TRIM6: variants seen among roughly 807,000 people sequenced by gnomAD.
TRIM6 encodes tripartite motif-containing protein 6.
A neutral mutation model predicts 51.2 loss-of-function variants in TRIM6; 43 were observed. That is an observed-to-expected ratio of 0.84 (90% CI 0.66 to 1.08). The LOEUF is 1.08. Ranked by LOEUF, TRIM6 falls within the 50% of genes least tolerant of loss-of-function variation. TRIM6 has a pLI of 0.00. For synonymous variants in TRIM6, 215 were observed against 232.4 expected (o/e 0.93, Z 0.68); for missense variants, 669 against 619.0 (o/e 1.08, Z -0.86).
Position 5,611,425 on chromosome 11 carries a change from C to A in TRIM6, c.*83C>A, listed in dbSNP as rs1246870336. On this transcript the variant is annotated 3_prime_UTR_variant, in exon 8 of 8. Transcript: ENST00000380097. Reference sequence around the variant, plus strand: ...TTCTCCCTTCTGATCTTCTGTTTTTCTGTGTTCTCAATTCTTTTGTTGTTT... The same window carrying A: ...TTCTCCCTTCTGATCTTCTGTTTTTATGTGTTCTCAATTCTTTTGTTGTTT... The A allele has an allele frequency of 5.1e-6, 6 of 1,172,972 alleles. No individual in the cohort carries two copies. Among genetic ancestry groups the A allele is most frequent in the Non-Finnish European group, 7.3e-6 (6 of 820,744 alleles). The allele number at this position is 1,172,972 out of a possible 1,614,324, so 72.7% of individuals were successfully genotyped here.
In TRIM6 at chr11:5,604,522, G is replaced by C. The variant is rs1221718552; in HGVS notation, c.508-12G>C. 2.5e-6 allele frequency: 4 copies of C among 1,607,668 alleles called. No homozygotes were observed. The highest frequency in any genetic ancestry group is 3.4e-6 in the Non-Finnish European group (4 of 1,177,418). On this transcript the variant is annotated splice_polypyrimidine_tract_variant and intron_variant, in intron 2 of 7. Transcript: ENST00000380097. ...GGCTTGATCCTGCTTGACCTGATTT[G>C]TTTTCTTCAAGGAGAAGTTTCAGGA...
At chr11:5,606,147 A>T (rs958326350) in intron 4 of TRIM6, among the ~76,000 whole-genome samples, 18 of 152,202 alleles carry the variant, frequency 1.2e-4, no homozygotes, top group African/African-American at 4.3e-4. Flanking sequence ...AGGCACACTT[A>T]CGCCAAGCTA....
Position 5,610,530 on chromosome 11 carries a change from T to C in TRIM6, c.959-5T>C, listed in dbSNP as rs1234955534. ...CAACATTATTGACTCTTTTCATCAT[T>C]ACAGAGCTGACAGATGTCCAAAGCT... On this transcript the variant is annotated splice_polypyrimidine_tract_variant and splice_region_variant and intron_variant, in intron 6 of 7. Transcript: ENST00000380097. The C allele has an allele frequency of 6.2e-7, 1 of 1,613,998 alleles. No homozygotes were observed. The highest frequency in any genetic ancestry group is 1.7e-5 in the Admixed American group (1 of 59,996).
chr11:5,603,291 A>C lies in TRIM6; in HGVS notation c.63A>C (p.Ala21=), dbSNP rs61758095. The change falls in exon 2 of 8, where the codon GCA becomes GCC. Residue 21 remains alanine, a synonymous_variant. Transcript: ENST00000380097. The part of the protein sequence containing the change: ...GNILEIRVGQ[A]GARRVATMTS... ...TCTTAGAAATCAGGGTTGGGCAGGC[A>C]GGAGCCAGGAGAGTAGCTACAATGA... The C allele has an allele frequency of 0.019, 30,052 of 1,614,074 alleles. 318 individuals are homozygous for C. The highest frequency in any genetic ancestry group is 0.027 in the Middle Eastern group (163 of 6,062).
At chr11:5,603,776 C>T in intron 2 of TRIM6, 41 bp downstream of exon 2, 1 of 1,600,658 alleles carries the variant, frequency 6.2e-7, no homozygotes, top group Non-Finnish European at 8.5e-7. Flanking sequence ...GAAACAGGGT[C>T]TTTGGCAGGT....
At chr11:5,604,293 C>G (rs1848069473) in intron 2 of TRIM6, among the ~76,000 whole-genome samples, 1 of 152,136 alleles carries the variant, frequency 6.6e-6, no homozygotes, top group South Asian at 2.1e-4. Context: ...GGATTACAGG[C>G]GTGAGCCACA....
rs1486592626 is a variant in TRIM6 at position 5,610,558 on chromosome 11, TG to T, written c.985+1del. 2 of 1,613,436 alleles carry T rather than the reference TG, an allele frequency of 1.2e-6. No individual in the cohort carries two copies. The highest frequency in any genetic ancestry group is 4.5e-5 in the East Asian group (2 of 44,872). The stretch of plus-strand genomic sequence containing the variant: ...AGAGCTGACAGATGTCCAAAGCTAC[TG>T]GGGTAAGTAGAAGCCATGGCCTCTT... ...CRELTDVQSY[W>X]VDVTLNPHTA... On this transcript the variant is annotated frameshift_variant and splice_region_variant, in exon 7 of 8. Transcript: ENST00000380097. LOFTEE classifies it low-confidence loss of function (END_TRUNC).
In TRIM6 at chr11:5,612,831, C is replaced by T. The variant is rs1437242638; in HGVS notation, c.*1489C>T. The T allele has an allele frequency of 1.3e-5, 2 of 152,118 alleles. No homozygotes were observed. The highest frequency in any genetic ancestry group is 6.5e-5 in the Admixed American group (1 of 15,270). The allele number at this position is 152,118 out of a possible 1,614,324, so 9.4% of individuals were successfully genotyped here. A position where few individuals can be genotyped will look rare whatever the true frequency, so the allele number is the denominator to read the frequency against. On this transcript the variant is annotated 3_prime_UTR_variant, in exon 8 of 8. Coordinates refer to ENST00000380097, the MANE Select transcript of TRIM6 (RefSeq NM_001003818.3). ...TGTGCTCAATGTATAAAATATATACCAGATTTCAAATACCTACTTCAAAAA... is the reference window on the plus strand; with the variant it reads ...TGTGCTCAATGTATAAAATATATACTAGATTTCAAATACCTACTTCAAAAA...
rs1848015026 is a variant in TRIM6, at chr11:5,603,700, A to G, written c.472A>G (p.Thr158Ala). The change falls in exon 2 of 8, where the codon ACG (threonine) becomes GCG (alanine). Residue 158 changes from threonine to alanine, a missense_variant. Transcript: ENST00000380097. Reference protein sequence around the residue: ...ERSQEHRGHHTFLVEEVAQEY... With the variant: ...ERSQEHRGHHAFLVEEVAQEY... The stretch of plus-strand genomic sequence containing the variant: ...GTCTCAGGAGCACCGTGGTCACCAC[A>G]CGTTCCTCGTGGAGGAGGTTGCCCA... 6.2e-7 allele frequency: 1 copy of G among 1,613,484 alleles called. No homozygotes were observed. The highest frequency in any genetic ancestry group is 8.5e-7 in the Non-Finnish European group (1 of 1,179,952).
chr11:5,596,689 C>T lies in TRIM6; in HGVS notation c.-209C>T. 11 of 707,504 alleles carry T rather than the reference C, an allele frequency of 1.6e-5. No individual in the cohort carries two copies. The South Asian group carries it at 1.8e-4, about 11-fold the overall frequency. The allele number at this position is 707,504 out of a possible 1,614,324, so 43.8% of individuals were successfully genotyped here. On this transcript the variant is annotated 5_prime_UTR_variant, in exon 1 of 8. Coordinates refer to ENST00000380097, the MANE Select transcript of TRIM6 (RefSeq NM_001003818.3). ...CAAACTCCTGACCTGTGGGTCCGTC[C>T]GTTCAACGGCCAAAGGCTGGCGGAG...
chr11:5,611,040 C>T lies in TRIM6; in HGVS notation c.1249C>T (p.His417Tyr). ...TFSFNHFAQN[H>Y]SAYSRYQPQS... is the part of the protein sequence containing the mutation. ...CTCTTTCAACCATTTTGCTCAAAAT[C>T]ACAGTGCTTACTCCAGGTATCAGCC... Residue 417 changes from histidine (H) to tyrosine (Y), a missense_variant, in exon 8 of 8, where the codon CAC (histidine) becomes TAC (tyrosine). His to Tyr is a moderately conservative substitution (Grantham distance 83). Transcript: ENST00000380097. 1 of 1,614,164 alleles carries T rather than the reference C, an allele frequency of 6.2e-7. No individual in the cohort carries two copies. The highest frequency in any genetic ancestry group is 8.5e-7 in the Non-Finnish European group (1 of 1,180,032).
chr11:5,606,171 G>A (rs1202057604), intron 4 of TRIM6, among the ~76,000 whole-genome samples: 3 of 152,198 alleles, frequency 2.0e-5, no homozygotes, highest in Admixed American at 2.0e-4. Context: ...TCTTAGAGAT[G>A]ATGTATTACC....
chr11:5,598,504 T>C (rs147187884), intron 1 of TRIM6, among the ~76,000 whole-genome samples: 77 of 152,328 alleles, frequency 5.1e-4, no homozygotes, highest in African/African-American at 1.7e-3. Flanking sequence ...TCAAGTAGCC[T>C]CATTAAAAAT....
Position 5,611,038 on chromosome 11 carries a change from A to C in TRIM6, c.1247A>C (p.Asn416Thr), listed in dbSNP as rs773054103. The part of the protein sequence containing the change: ...PTFSFNHFAQ[N>T]HSAYSRYQPQ... ...TTCTCTTTCAACCATTTTGCTCAAA[A>C]TCACAGTGCTTACTCCAGGTATCAG... Residue 416 changes from asparagine (N) to threonine (T), a missense_variant, in exon 8 of 8, where the codon AAT becomes ACT. Asn to Thr is a moderately conservative substitution (Grantham distance 65). Coordinates refer to ENST00000380097, the MANE Select transcript of TRIM6 (RefSeq NM_001003818.3). The C allele has an allele frequency of 6.2e-6, 10 of 1,614,044 alleles. No homozygotes were observed. Among genetic ancestry groups the C allele is most frequent in the African/African-American group, 1.3e-5 (1 of 74,904 alleles).
At chr11:5,599,304 TG>T (rs1293228117) in intron 1 of TRIM6, among the ~76,000 whole-genome samples, 17 of 152,236 alleles carry the variant, frequency 1.1e-4, no homozygotes, top group African/African-American at 4.1e-4. Flanking sequence ...TTGCCTGAAA[TG>T]AAAGTGTGCA....
chr11:5,600,641 G>A (rs1020326137), intron 1 of TRIM6, among the ~76,000 whole-genome samples: 3 of 152,152 alleles, frequency 2.0e-5, no homozygotes, highest in African/African-American at 7.2e-5. Context: ...AGGTCCTCAA[G>A]ATGGGGGTAA....
upstream of TRIM6, chr11:5,596,520 T>TTCCCCCC (rs1847460125): frequency 2.9e-4 from 2 of 6,984 alleles, no homozygotes; most frequent in Non-Finnish European, 7.0e-4. Context: ...CGTTCTCCCC[T>TTCCCCCC]TCCCCCCTTC....
At position 5,612,161 on chromosome 11, in the gene TRIM6, A is replaced by G. The variant is rs1383484794; in HGVS notation, c.*819A>G. ...AACGTATTGTTTAGATTTTGTTCTC[A>G]TCTATGTTAATGAAAGAAATTGGCC... On this transcript the variant is annotated 3_prime_UTR_variant, in exon 8 of 8. Coordinates refer to ENST00000380097, the MANE Select transcript of TRIM6 (RefSeq NM_001003818.3). 6.6e-6 allele frequency: 1 copy of G among 152,174 alleles called. No individual in the cohort carries two copies. Among genetic ancestry groups the G allele is most frequent in the Non-Finnish European group, 1.5e-5 (1 of 68,032 alleles). 9.4% of individuals were successfully genotyped at this position (152,174 alleles called of 1,614,324 possible). A position where few individuals can be genotyped will look rare whatever the true frequency, so the allele number is the denominator to read the frequency against.
chr11:5,597,029 T>C (rs1847508744), intron 1 of TRIM6, 115 bp downstream of exon 1: 2 of 1,554,780 alleles, frequency 1.3e-6, no homozygotes, highest in Non-Finnish European at 1.7e-6. Context: ...TTATTTCTTT[T>C]TCTTTCTCAC....
Sources: allele counts gnomAD v4.1 joint callset (sites outside exome capture counted in the v4.1 genomes callset), GRCh38; gene constraint gnomAD v4.1.1; transcripts MANE v1.5; gene names NCBI Gene and HGNC (gene_info 2026-07-23, HGNC 2026-07-21).